C16orf95: variants seen among roughly 807,000 people sequenced by gnomAD.
C16orf95 encodes the protein uncharacterized protein C16orf95.
Under a neutral mutation model 32.1 loss-of-function variants are expected in C16orf95, and 41 were observed. The ratio of observed to expected loss-of-function variants is 1.28; its 90% CI spans 1.00 to 1.66. The LOEUF is 1.66. Ranked by LOEUF, C16orf95 falls within the 40% of genes most tolerant of loss-of-function variation. The probability of loss-of-function intolerance (pLI) is 0.00; values close to 1 mark genes in which losing one functional copy is unlikely to be tolerated. For synonymous variants in C16orf95, 147 were observed against 128.9 expected (o/e 1.14, Z -0.95); for missense variants, 399 against 325.9 (o/e 1.22, Z -1.73).
chr16:87,316,657 G>T (rs992181426), intron 1 of C16orf95, among the ~76,000 whole-genome samples: 1 of 152,046 alleles, frequency 6.6e-6, no homozygotes, highest in Non-Finnish European at 1.5e-5. Flanking sequence ...GGAGGGGGGG[G>T]GCCACAGCCA....
chr16:87,315,808 T>G lies in C16orf95; in HGVS notation c.168A>C (p.Gln56His). The G allele has an allele frequency of 1.3e-6, 2 of 1,531,320 alleles. No individual in the cohort carries two copies. Among genetic ancestry groups the G allele is most frequent in the East Asian group, 4.9e-5 (2 of 40,670 alleles). 94.9% of individuals were successfully genotyped at this position (1,531,320 alleles called of 1,614,324 possible). The change falls in exon 2 of 7, where the codon CAA becomes CAC. Residue 56 changes from glutamine (Q) to histidine (H), a missense_variant. Transcript: ENST00000567970. Reference sequence around the variant, plus strand: ...GGAGGCACACTTCTTTCTTGTAGGTTTGAAATGTGCTATTCCTAGAAGAGA... The same window carrying G: ...GGAGGCACACTTCTTTCTTGTAGGTGTGAAATGTGCTATTCCTAGAAGAGA... ...SAQDGRNSTFQTYKKEVCLPR... is the reference protein window; with the variant it reads ...SAQDGRNSTFHTYKKEVCLPR...
rs1194178370 is a variant in C16orf95 at position 87,317,150 on chromosome 16, CG to C, written c.92del (p.Pro31ArgfsTer75). 12 of 1,534,098 alleles carry C rather than the reference CG, an allele frequency of 7.8e-6. No homozygotes were observed. The highest frequency in any genetic ancestry group is 1.0e-5 in the Non-Finnish European group (12 of 1,145,912). The part of the protein sequence containing the change: ...GAASGAAAGG[P>X]GAGCVGLCRL... ...TGCAGAGCCCGACGCACCCCGCGCC[CG>C]GCCCCCCGGCAGCAGCGCCTGAGGC... On this transcript the variant is annotated frameshift_variant, in exon 1 of 7. Coordinates refer to ENST00000567970, the MANE Select transcript of C16orf95 (RefSeq NM_001195124.3). LOFTEE classifies it high-confidence loss of function.
chr16:87,311,746 G>A (rs1484393412), intron 3 of C16orf95, among the ~76,000 whole-genome samples: 1 of 152,228 alleles, frequency 6.6e-6, no homozygotes, highest in Non-Finnish European at 1.5e-5. Context: ...CTTTGATGCG[G>A]CAATTCCACT....
Position 87,317,187 on chromosome 16 carries a change from G to C in C16orf95, c.56C>G (p.Ala19Gly), listed in dbSNP as rs1318688336. The change falls in exon 1 of 7, where the codon GCC becomes GGC. Residue 19 changes from alanine (A) to glycine (G), a missense_variant. Physicochemically the swap from Ala to Gly is moderately conservative, Grantham distance 60. Transcript: ENST00000567970. ...SPRRCHHHHE[A>G]TGAASGAAAG... ...AGCAGCGCCTGAGGCTGCTCCAGTG[G>C]CCTCATGATGATGGTGACAACGCCG... The C allele has an allele frequency of 1.3e-6, 2 of 1,530,040 alleles. No individual in the cohort carries two copies. The highest frequency in any genetic ancestry group is 3.3e-4 in the Middle Eastern group (2 of 5,974). The allele number at this position is 1,530,040 out of a possible 1,614,324, so 94.8% of individuals were successfully genotyped here.
At chr16:87,304,268 C>T (rs1203790118) in intron 6 of C16orf95, among the ~76,000 whole-genome samples, 1 of 101,834 alleles carries the variant, frequency 9.8e-6, no homozygotes, top group Non-Finnish European at 2.2e-5. Context: ...CCTTGGCCTC[C>T]GAAAGTGCTG....
At chr16:87,314,487 G>C (rs1161241235) in intron 3 of C16orf95, among the ~76,000 whole-genome samples, 1 of 152,210 alleles carries the variant, frequency 6.6e-6, no homozygotes, top group Non-Finnish European at 1.5e-5. Context: ...AAGCAGGTCA[G>C]TGGTTGCCTG....
intron 4 of C16orf95, among the ~76,000 whole-genome samples, chr16:87,310,541 A>G (rs1342330684): frequency 2.0e-5 from 3 of 152,200 alleles, no homozygotes; most frequent in Admixed American, 1.3e-4. Context: ...GTCAGGGGGA[A>G]GGAAGGAAGC....
At position 87,305,588 on chromosome 16, in the gene C16orf95, C is replaced by A; in HGVS notation, c.701+131G>T. 1.3e-6 allele frequency: 1 copy of A among 778,620 alleles called. No individual in the cohort carries two copies. The highest frequency in any genetic ancestry group is 2.0e-6 in the Non-Finnish European group (1 of 511,068). 48.2% of individuals were successfully genotyped at this position (778,620 alleles called of 1,614,324 possible). A position where few individuals can be genotyped will look rare whatever the true frequency, so the allele number is the denominator to read the frequency against. ...GCACCACAGGACACACTCACAGTGC[C>A]GGGCCTTGGACGCCTGTCAAGTTAA... On this transcript the variant is annotated intron_variant, in intron 6 of 6. Coordinates refer to ENST00000567970, the MANE Select transcript of C16orf95 (RefSeq NM_001195124.3). The surrounding 1 kb of genome is among the most constrained non-coding windows in gnomAD (Gnocchi z 4.2).
chr16:87,317,127 C>T lies in C16orf95; in HGVS notation c.116G>A (p.Cys39Tyr), dbSNP rs1303154248. ...GGPGAGCVGL[C>Y]RLALTPSAQD... The stretch of plus-strand genomic sequence containing the variant: ...CGCGCTGGGTGTGAGTGCCAACCTG[C>T]AGAGCCCGACGCACCCCGCGCCCGG... The change falls in exon 1 of 7, where the codon TGC becomes TAC. Residue 39 changes from cysteine to tyrosine, a missense_variant. Physicochemically the swap from Cys to Tyr is radical, Grantham distance 194. Transcript: ENST00000567970. 1.3e-6 allele frequency: 2 copies of T among 1,533,168 alleles called. No homozygotes were observed. Among genetic ancestry groups the T allele is most frequent in the Non-Finnish European group, 1.7e-6 (2 of 1,145,198 alleles). The allele number at this position is 1,533,168 out of a possible 1,614,324, so 95.0% of individuals were successfully genotyped here.
chr16:87,316,742 CT>C (rs1209181020), intron 1 of C16orf95, among the ~76,000 whole-genome samples: 1 of 152,172 alleles, frequency 6.6e-6, no homozygotes, highest in Non-Finnish European at 1.5e-5. Context: ...AAAGAATCTC[CT>C]TTTTGTTGAG....
intron 6 of C16orf95, among the ~76,000 whole-genome samples, chr16:87,304,477 G>C (rs897767705): frequency 1.3e-5 from 2 of 152,028 alleles, no homozygotes; most frequent in South Asian, 2.1e-4. Context: ...AACTAAATGT[G>C]ATCATCAAGC....
intron 2 of C16orf95, 126 bp downstream of exon 2, chr16:87,315,646 A>G (rs1904315219): frequency 2.7e-6 from 2 of 739,676 alleles, no homozygotes; most frequent in Admixed American, 3.3e-5. Flanking sequence ...AGCTCCTGCA[A>G]CCACACTTTT....
chr16:87,315,197 T>G, intron 2 of C16orf95, 101 bp from the exon 3 acceptor site: 3 of 1,282,492 alleles, frequency 2.3e-6, no homozygotes, highest in East Asian at 5.2e-5. Context: ...GAAGATGGTG[T>G]CCGGGGGCAG....
chr16:87,310,890 A>G (rs1474846882), intron 4 of C16orf95, among the ~76,000 whole-genome samples: 1 of 151,940 alleles, frequency 6.6e-6, no homozygotes, highest in Non-Finnish European at 1.5e-5. Context: ...CAGAACAATC[A>G]CCCCTCTGCA....
chr16:87,303,572 C>G lies in C16orf95; in HGVS notation c.702-497G>C, dbSNP rs570718099. On this transcript the variant is annotated intron_variant, in intron 6 of 6. Coordinates refer to ENST00000567970, the MANE Select transcript of C16orf95 (RefSeq NM_001195124.3). ...CCCAGCTGGACAAGCTGTGCCCTCC[C>G]CTGGGATGCTGGTTGGTGCCTGCTC... 15 of 166,932 alleles carry G rather than the reference C, an allele frequency of 9.0e-5. No individual in the cohort carries two copies. In the South Asian group the frequency reaches 1.9e-3, roughly 21 times the overall value. The allele number at this position is 166,932 out of a possible 1,614,324, so 10.3% of individuals were successfully genotyped here. A position where few individuals can be genotyped will look rare whatever the true frequency, so the allele number is the denominator to read the frequency against.
In C16orf95 at chr16:87,311,224, C is replaced by T; in HGVS notation, c.403G>A (p.Gly135Ser). The T allele has an allele frequency of 6.5e-7, 1 of 1,535,836 alleles. No individual in the cohort carries two copies. The highest frequency in any genetic ancestry group is 8.7e-7 in the Non-Finnish European group (1 of 1,146,690). The change falls in exon 4 of 7, where the codon GGC becomes AGC. Residue 135 changes from glycine to serine, a missense_variant. Transcript: ENST00000567970. ...MCPCLCHRFG[G>S]RLPMPRDQAV... is the part of the protein sequence containing the mutation. ...TGGTCCCTAGGCATCGGGAGGCGGC[C>T]CCCAAAGCGGTGGCATAGGCAGGGG... is the stretch of plus-strand genomic sequence containing the variant.
chr16:87,311,080 T>C, intron 4 of C16orf95, 70 bp downstream of exon 4: 1 of 1,351,082 alleles, frequency 7.4e-7, no homozygotes, highest in Non-Finnish European at 9.7e-7. Flanking sequence ...CCCTTCTTCC[T>C]CCCATCTCCC....
chr16:87,311,996 G>T (rs750756354), intron 3 of C16orf95, among the ~76,000 whole-genome samples: 2 of 152,220 alleles, frequency 1.3e-5, no homozygotes, highest in Non-Finnish European at 2.9e-5. Context: ...ATGCAGCACC[G>T]TGAGTTCACT....
At chr16:87,312,932 A>ATTACCC (rs1265431980) in intron 3 of C16orf95, among the ~76,000 whole-genome samples, 1 of 152,242 alleles carries the variant, frequency 6.6e-6, no homozygotes, top group Admixed American at 6.5e-5. Flanking sequence ...ATGTCATCAA[A>ATTACCC]ATTATGAAAT....
Sources: allele counts gnomAD v4.1 joint callset (sites outside exome capture counted in the v4.1 genomes callset), GRCh38; gene constraint gnomAD v4.1.1; non-coding constraint Gnocchi (gnomAD v3.1); transcripts MANE v1.5; gene names NCBI Gene and HGNC (gene_info 2026-07-23, HGNC 2026-07-21).